The following ZNHIT6 variants were observed in gnomAD, a reference collection of about 807,000 sequenced individuals.
The protein encoded by ZNHIT6 is zinc finger HIT-type containing 6, also known as box C/D snoRNA protein 1.
A neutral mutation model predicts 57.2 loss-of-function variants in ZNHIT6; 45 were observed. The observed-to-expected ratio is 0.79, with a 90% confidence interval of 0.62 to 1.01. The LOEUF (loss-of-function observed/expected upper bound fraction) is 1.01, where lower values mean the gene tolerates loss of function less well. Ranked by LOEUF, ZNHIT6 falls within the 50% of genes least tolerant of loss-of-function variation. ZNHIT6 has a pLI of 0.00. For missense variants in ZNHIT6, 528 were observed against 567.3 expected (o/e 0.93, Z 0.70); for synonymous variants, 188 against 190.0 (o/e 0.99, Z 0.09).
chr1:85,698,082 T>C (rs1039590589), intron 5 of ZNHIT6, among the ~76,000 whole-genome samples: 1 of 152,186 alleles, frequency 6.6e-6, no homozygotes, highest in African/African-American at 2.4e-5. Context: ...TAACAGAGAA[T>C]GTCAACCTTG....
intron 5 of ZNHIT6, among the ~76,000 whole-genome samples, chr1:85,683,524 G>GGA (rs1553157105): frequency 5.6e-5 from 7 of 124,346 alleles, no homozygotes; most frequent in East Asian, 2.3e-4. Context: ...TTCCGTCACA[G>GGA]AAAAAAAAAA....
intron 8 of ZNHIT6, among the ~76,000 whole-genome samples, chr1:85,666,730 G>C (rs1172798589): frequency 6.6e-6 from 1 of 152,184 alleles, no homozygotes; most frequent in African/African-American, 2.4e-5. Flanking sequence ...ATCACTGGAA[G>C]AGTATCATCT....
intron 5 of ZNHIT6, among the ~76,000 whole-genome samples, chr1:85,685,807 C>T (rs752021070): frequency 6.6e-6 from 1 of 152,074 alleles, no homozygotes; most frequent in African/African-American, 2.4e-5. Context: ...GACCCTCCTA[C>T]CTTAGCCTCC....
chr1:85,674,172 G>C (rs1661639525), intron 8 of ZNHIT6, among the ~76,000 whole-genome samples: 2 of 152,164 alleles, frequency 1.3e-5, no homozygotes, highest in South Asian at 4.1e-4. Context: ...CCTTTGCTTT[G>C]ATAGTATTTT....
chr1:85,658,745 C>A (rs1301900563), intron 8 of ZNHIT6, among the ~76,000 whole-genome samples: 1 of 151,852 alleles, frequency 6.6e-6, no homozygotes, highest in Admixed American at 6.6e-5. Context: ...GTGGCACATG[C>A]CTGTAATCAC....
Position 85,697,478 on chromosome 1 carries a change from T to C in ZNHIT6, c.1019+4679A>G, listed in dbSNP as rs138721697. On this transcript the variant is annotated intron_variant, in intron 5 of 9. Coordinates refer to ENST00000370574, the MANE Select transcript of ZNHIT6 (RefSeq NM_017953.4). The stretch of plus-strand genomic sequence containing the variant: ...CTCAAATGGCAAGCTGTTTCAACTC[T>C]ATTTATTGAATAAGCAATTATTTGT... Among the ~76,000 whole-genome samples, 763 of 152,366 alleles carry C rather than the reference T, an allele frequency of 5.0e-3. 7 individuals are homozygous for C. Among genetic ancestry groups the C allele is most frequent in the Middle Eastern group, 0.041 (12 of 294 alleles).
rs527824051 is a variant in ZNHIT6, at chr1:85,657,976, T to C, written c.1248-5A>G. The stretch of plus-strand genomic sequence containing the variant: ...TAAGGATCTAGTTCATAATATCTTA[T>C]TAATAAAAAAAAACAAAAAACCAGG... On this transcript the variant is annotated splice_region_variant and splice_polypyrimidine_tract_variant and intron_variant, in intron 8 of 9. Transcript: ENST00000370574. 81 of 1,447,918 alleles carry C rather than the reference T, an allele frequency of 5.6e-5. No homozygotes were observed. The highest frequency in any genetic ancestry group is 2.6e-4 in the East Asian group (11 of 42,870). 89.7% of individuals were successfully genotyped at this position (1,447,918 alleles called of 1,614,324 possible).
chr1:85,667,777 T>C (rs896326859), intron 8 of ZNHIT6, among the ~76,000 whole-genome samples: 1 of 149,412 alleles, frequency 6.7e-6, no homozygotes, highest in Non-Finnish European at 1.5e-5. Flanking sequence ...TCTACAAAAA[T>C]ACAAAAATTA....
Position 85,702,264 on chromosome 1 carries a change from AC to A in ZNHIT6, c.916-5del. The A allele has an allele frequency of 6.5e-7, 1 of 1,533,924 alleles. No individual in the cohort carries two copies. The highest frequency in any genetic ancestry group is 8.9e-7 in the Non-Finnish European group (1 of 1,123,666). ...CACGATTTTTCATAAAGTACATCTA[AC>A]AACAAAAACCAAACAGACAAATTAA... is the stretch of plus-strand genomic sequence containing the variant. On this transcript the variant is annotated splice_polypyrimidine_tract_variant and splice_region_variant and intron_variant, in intron 4 of 9. Transcript: ENST00000370574.
chr1:85,666,077 T>C (rs1661361773), intron 8 of ZNHIT6, among the ~76,000 whole-genome samples: 1 of 152,226 alleles, frequency 6.6e-6, no homozygotes, highest in Non-Finnish European at 1.5e-5. Context: ...GAGTCTACCA[T>C]GTTCCAGACA....
chr1:85,700,194 T>C (rs957382764), intron 5 of ZNHIT6, among the ~76,000 whole-genome samples: 4 of 152,194 alleles, frequency 2.6e-5, no homozygotes, highest in African/African-American at 9.6e-5. Context: ...ATTTTTACAA[T>C]AGCTACTATA....
Position 85,650,277 on chromosome 1 carries a change from C to T in ZNHIT6, c.*3781G>A, listed in dbSNP as rs1444934856. 1 of 152,220 alleles carries T rather than the reference C, an allele frequency of 6.6e-6. No individual in the cohort carries two copies. The highest frequency in any genetic ancestry group is 2.4e-5 in the African/African-American group (1 of 41,440). 9.4% of individuals were successfully genotyped at this position (152,220 alleles called of 1,614,324 possible). Reference sequence around the variant, plus strand: ...ATGTCAATTGCTGTTATCCACCATCCTCTCACCTCACTGTTCCTCATCCCA... The same window carrying T: ...ATGTCAATTGCTGTTATCCACCATCTTCTCACCTCACTGTTCCTCATCCCA... On this transcript the variant is annotated 3_prime_UTR_variant, in exon 10 of 10. Coordinates refer to ENST00000370574, the MANE Select transcript of ZNHIT6 (RefSeq NM_017953.4).
intron 8 of ZNHIT6, among the ~76,000 whole-genome samples, chr1:85,668,784 A>C (rs1239753576): frequency 6.6e-6 from 1 of 152,186 alleles, no homozygotes; most frequent in African/African-American, 2.4e-5. Context: ...ATTTTAAAAA[A>C]ATCCATTCTA....
chr1:85,685,622 G>A (rs925068014), intron 5 of ZNHIT6, among the ~76,000 whole-genome samples: 22 of 152,164 alleles, frequency 1.4e-4, no homozygotes, highest in African/African-American at 5.3e-4. Context: ...CTGTCGCCTG[G>A]GCTGGAGTGC....
rs1430345338 is a variant in ZNHIT6, at chr1:85,650,007, C to G, written c.*4051G>C. The G allele has an allele frequency of 6.6e-6, 1 of 152,196 alleles. No individual in the cohort carries two copies. Among genetic ancestry groups the G allele is most frequent in the African/African-American group, 2.4e-5 (1 of 41,464 alleles). The allele number at this position is 152,196 out of a possible 1,614,324, so 9.4% of individuals were successfully genotyped here. On this transcript the variant is annotated 3_prime_UTR_variant, in exon 10 of 10. Coordinates refer to ENST00000370574, the MANE Select transcript of ZNHIT6 (RefSeq NM_017953.4). Reference sequence around the variant, plus strand: ...AGTACAAATCAGAAACTTCTTGCTACTCAAATTCAAACAGGGTGCAATGAA... The same window carrying G: ...AGTACAAATCAGAAACTTCTTGCTAGTCAAATTCAAACAGGGTGCAATGAA...
intron 8 of ZNHIT6, among the ~76,000 whole-genome samples, chr1:85,671,590 A>T (rs1267359033): frequency 6.6e-6 from 1 of 152,212 alleles, no homozygotes; most frequent in East Asian, 1.9e-4. Context: ...ACGTTCATTG[A>T]ATCATTTCAG....
At chr1:85,706,610 A>AGTT in intron 1 of ZNHIT6, 103 bp from the exon 2 acceptor site, 1 of 1,076,158 alleles carries the variant, frequency 9.3e-7, no homozygotes, top group Non-Finnish European at 1.3e-6. Flanking sequence ...CAAGTAACTG[A>AGTT]TAAAATATTT....
chr1:85,691,755 G>A (rs536970931), intron 5 of ZNHIT6, among the ~76,000 whole-genome samples: 1 of 152,214 alleles, frequency 6.6e-6, no homozygotes, highest in Admixed American at 6.5e-5. Flanking sequence ...GCGTGGTGGT[G>A]CAAGCCTGTA....
At chr1:85,654,151 G>A (rs1172421990) in intron 9 of ZNHIT6, 53 bp from the exon 10 acceptor site, 2 of 1,527,190 alleles carry the variant, frequency 1.3e-6, no homozygotes, top group African/African-American at 1.4e-5. Context: ...TTCTGTTTAG[G>A]TTGCTCTGTC....
Sources: gnomAD v4.1 joint callset for allele counts (sites outside exome capture counted in the v4.1 genomes callset) on GRCh38, gnomAD v4.1.1 for gene constraint, MANE v1.5 for transcripts, NCBI Gene and HGNC (gene_info 2026-07-23, HGNC 2026-07-21) for gene names.